ADGRL2: variants seen among roughly 807,000 people sequenced by gnomAD.
The protein encoded by ADGRL2 is adhesion G protein-coupled receptor L2, also known as calcium-independent alpha-latrotoxin receptor 2.
A neutral mutation model predicts 157.4 loss-of-function variants in ADGRL2; 44 were observed. The observed-to-expected ratio is 0.28, with a 90% CI of 0.22 to 0.36. The LOEUF is 0.36. Ranked by LOEUF, ADGRL2 falls within the 10% of genes least tolerant of loss-of-function variation. The probability of loss-of-function intolerance (pLI) is 1.00; values close to 1 mark genes in which losing one functional copy is unlikely to be tolerated. For missense variants in ADGRL2, 1,510 were observed against 1,768.9 expected (o/e 0.85, Z 2.63); for synonymous variants, 585 against 624.7 (o/e 0.94, Z 0.95).
chr1:81,970,177 C>T (rs1423862935), intron 15 of ADGRL2, 137 bp from the exon 16 acceptor site: 9 of 652,120 alleles, frequency 1.4e-5, no homozygotes, highest in Admixed American at 3.0e-5. Flanking sequence ...AAAATATTTT[C>T]AGGAAGCATT....
intron 1 of ADGRL2, among the ~76,000 whole-genome samples, chr1:81,831,626 C>T (rs1029968388): frequency 5.9e-5 from 9 of 151,874 alleles, no homozygotes; most frequent in African/African-American, 2.2e-4. Context: ...GGATATATTT[C>T]TTAAGGTTGT....
At chr1:81,744,232 C>A (rs1185347468) in intron 1 of ADGRL2, among the ~76,000 whole-genome samples, 1 of 152,196 alleles carries the variant, frequency 6.6e-6, no homozygotes, top group Non-Finnish European at 1.5e-5. Context: ...AAATCACTAT[C>A]CATTAAAATA....
At chr1:81,401,786 A>T (rs2076760818) in intron 1 of ADGRL2, among the ~76,000 whole-genome samples, 1 of 152,170 alleles carries the variant, frequency 6.6e-6, no homozygotes, top group South Asian at 2.1e-4. Flanking sequence ...TTAGGGGGTT[A>T]TCTGTTACGA....
At chr1:81,362,455 T>C (rs1283433189) in intron 1 of ADGRL2, among the ~76,000 whole-genome samples, 1 of 151,936 alleles carries the variant, frequency 6.6e-6, no homozygotes, top group African/African-American at 2.4e-5. Context: ...ACTTTAGTCA[T>C]TACATGGGAT....
chr1:81,649,971 G>A (rs2082381508), intron 3 of ADGRL2, among the ~76,000 whole-genome samples: 1 of 151,654 alleles, frequency 6.6e-6, no homozygotes, highest in African/African-American at 2.4e-5. Flanking sequence ...GGGCTAAGGT[G>A]AGAATTAAAT....
chr1:81,481,860 G>C (rs1047241381), intron 2 of ADGRL2, among the ~76,000 whole-genome samples: 7 of 152,028 alleles, frequency 4.6e-5, no homozygotes, highest in African/African-American at 1.7e-4. Context: ...GCCCTTCCCT[G>C]TTTCTTTGCC....
chr1:81,593,082 A>T (rs2148596661), intron 3 of ADGRL2, among the ~76,000 whole-genome samples: 1 of 152,328 alleles, frequency 6.6e-6, no homozygotes, highest in East Asian at 1.9e-4. Context: ...AAAAGGATGC[A>T]AAATAATTCC....
intron 23 of ADGRL2, among the ~76,000 whole-genome samples, chr1:81,989,275 A>G (rs1017680250): frequency 1.4e-4 from 22 of 152,068 alleles, no homozygotes; most frequent in African/African-American, 5.1e-4. Flanking sequence ...CTCCCATTCC[A>G]TAGTTAATAT....
intron 3 of ADGRL2, among the ~76,000 whole-genome samples, chr1:81,662,300 G>A (rs1383773483): frequency 7.0e-6 from 1 of 142,192 alleles, no homozygotes; most frequent in Non-Finnish European, 1.5e-5. Context: ...CTGTCACCTA[G>A]GCTGGAGTGC....
At chr1:81,687,100 G>T (rs67613521) in intron 3 of ADGRL2, among the ~76,000 whole-genome samples, 19,508 of 152,102 alleles carry the variant, frequency 0.13, 1,669 homozygotes, top group Middle Eastern at 0.21. Context: ...AATAGAATGT[G>T]TGTGTATTCT....
intron 1 of ADGRL2, among the ~76,000 whole-genome samples, chr1:81,367,238 A>G (rs1329322692): frequency 6.6e-6 from 1 of 152,106 alleles, no homozygotes; most frequent in Non-Finnish European, 1.5e-5. Flanking sequence ...TAAGTTCCAG[A>G]GTACATATGC....
rs1260137418 is a variant in ADGRL2 at position 81,871,886 on chromosome 1, G to A, written c.73+34829G>A. ...TTTTCTCCCATTCTGTAGGTTGCCT[G>A]TTCACTCTGATGGTAGTTTCTTTTG... On this transcript the variant is annotated intron_variant, in intron 2 of 23. Transcript: ENST00000686636. Among the ~76,000 whole-genome samples, 3 of 152,148 alleles carry A rather than the reference G, an allele frequency of 2.0e-5. No individual in the cohort carries two copies. The South Asian group carries it at 6.2e-4, about 32-fold the overall frequency.
At chr1:81,670,938 G>A (rs568497062) in intron 3 of ADGRL2, among the ~76,000 whole-genome samples, 1 of 152,292 alleles carries the variant, frequency 6.6e-6, no homozygotes, top group South Asian at 2.1e-4. Context: ...TCAAACTCCT[G>A]AGCTAAAGTG....
chr1:81,323,817 G>T (rs1289241714), intron 1 of ADGRL2, among the ~76,000 whole-genome samples: 1 of 152,128 alleles, frequency 6.6e-6, no homozygotes, highest in Non-Finnish European at 1.5e-5. Flanking sequence ...AATAGCATAT[G>T]CAAACCTCAT....
At chr1:81,695,945 T>C (rs1423407319), upstream of ADGRL2, among the ~76,000 whole-genome samples, 2 of 152,186 alleles carry the variant, frequency 1.3e-5, no homozygotes, top group Admixed American at 1.3e-4. Flanking sequence ...TCTTCCCATT[T>C]CCAAGTCTTC....
chr1:81,460,261 T>C (rs900764061), intron 2 of ADGRL2, among the ~76,000 whole-genome samples: 1 of 151,674 alleles, frequency 6.6e-6, no homozygotes, highest in Non-Finnish European at 1.5e-5. Context: ...ATGATTTATA[T>C]TAATTATATA....
chr1:81,606,497 G>GCACACA lies in ADGRL2; in HGVS notation c.-143+25535_-143+25540dup, dbSNP rs59187962. On this transcript the variant is annotated intron_variant, in intron 3 of 24. Coordinates refer to the ADGRL2 transcript ENST00000370721. ...CACAGATACACAGGTTCATGCACATGCACACACACACACACACACACACTC... is the reference window on the plus strand; with the variant it reads ...CACAGATACACAGGTTCATGCACATGCACACACACACACACACACACACACACACTC... Among the ~76,000 whole-genome samples, 697 of 149,378 alleles carry GCACACA rather than the reference G, an allele frequency of 4.7e-3. 1 individual carries two copies. The highest frequency in any genetic ancestry group is 0.016 in the African/African-American group (638 of 40,634).
chr1:81,763,044 T>TC (rs2085948287), intron 2 of ADGRL2, among the ~76,000 whole-genome samples: 1 of 83,384 alleles, frequency 1.2e-5, no homozygotes, highest in East Asian at 6.1e-4. Flanking sequence ...CCAGACTCCG[T>TC]CTAAAAAAAA....
At chr1:81,486,730 G>T (rs924257157) in intron 2 of ADGRL2, among the ~76,000 whole-genome samples, 3 of 152,176 alleles carry the variant, frequency 2.0e-5, no homozygotes, top group Admixed American at 2.0e-4. Flanking sequence ...ACATGAAAAT[G>T]TATTTCTCAT....
Sources: gnomAD v4.1 joint callset for allele counts (sites outside exome capture counted in the v4.1 genomes callset) on GRCh38, gnomAD v4.1.1 for gene constraint, MANE v1.5 for transcripts, NCBI Gene and HGNC (gene_info 2026-07-23, HGNC 2026-07-21) for gene names.